SLC2A13: variants seen among roughly 807,000 people sequenced by gnomAD.
SLC2A13 encodes proton myo-inositol cotransporter.
A neutral mutation model predicts 64.4 loss-of-function variants in SLC2A13; 32 were observed. The ratio of observed to expected loss-of-function variants is 0.50; its 90% CI spans 0.37 to 0.67. SLC2A13 has a LOEUF of 0.67. Ranked by LOEUF, SLC2A13 falls within the 30% of genes least tolerant of loss-of-function variation. The probability of loss-of-function intolerance (pLI) is 0.00; values close to 1 mark genes in which losing one functional copy is unlikely to be tolerated. For missense variants in SLC2A13, 743 were observed against 829.2 expected (o/e 0.90, Z 1.28); for synonymous variants, 338 against 327.1 (o/e 1.03, Z -0.36).
chr12:39,838,087 A>T (rs1943068956), intron 6 of SLC2A13, among the ~76,000 whole-genome samples: 2 of 148,638 alleles, frequency 1.3e-5, no homozygotes, highest in South Asian at 2.2e-4. Context: ...ACTTGGAACC[A>T]ACCCAAATGT....
chr12:39,884,964 C>T (rs1380595619), intron 4 of SLC2A13, among the ~76,000 whole-genome samples: 1 of 152,204 alleles, frequency 6.6e-6, no homozygotes, highest in Non-Finnish European at 1.5e-5. Context: ...GGATGATAAA[C>T]ATCTATTCAG....
chr12:39,808,717 T>G (rs1942054083), intron 7 of SLC2A13, among the ~76,000 whole-genome samples: 1 of 152,184 alleles, frequency 6.6e-6, no homozygotes, highest in Admixed American at 6.6e-5. Flanking sequence ...ATTTGCCATC[T>G]TTTTATAGTC....
intron 3 of SLC2A13, among the ~76,000 whole-genome samples, chr12:40,003,522 C>A (rs1263035754): frequency 1.3e-5 from 2 of 152,042 alleles, no homozygotes; most frequent in Admixed American, 6.6e-5. Context: ...CTTGGATATG[C>A]TATATCGTGG....
chr12:40,077,800 ATTTG>A (rs202148073), intron 1 of SLC2A13, among the ~76,000 whole-genome samples: 4,283 of 152,130 alleles, frequency 0.028, 167 homozygotes, highest in Admixed American at 0.1. Flanking sequence ...ATGTTTTTCC[ATTTG>A]TTTGTGTTCT....
intron 1 of SLC2A13, among the ~76,000 whole-genome samples, chr12:40,088,368 C>A (rs755202438): frequency 6.6e-6 from 1 of 152,198 alleles, no homozygotes; most frequent in Non-Finnish European, 1.5e-5. Context: ...GAAGGAATTA[C>A]AAGTTAGAAG....
intron 7 of SLC2A13, among the ~76,000 whole-genome samples, chr12:39,768,377 C>A (rs765899383): frequency 6.6e-6 from 1 of 152,026 alleles, no homozygotes. Context: ...TTTTAATATC[C>A]TTTAAGAATT....
At chr12:40,009,598 T>A (rs1021599188) in intron 3 of SLC2A13, among the ~76,000 whole-genome samples, 2 of 152,116 alleles carry the variant, frequency 1.3e-5, no homozygotes, top group African/African-American at 4.8e-5. Flanking sequence ...CCCAGCCAAT[T>A]TTTTAAAAAA....
intron 1 of SLC2A13, among the ~76,000 whole-genome samples, chr12:40,101,711 C>T (rs78728390): frequency 3.0e-4 from 45 of 152,202 alleles, no homozygotes; most frequent in African/African-American, 1.1e-3. Flanking sequence ...CTCATCACCA[C>T]CCTCACTCAT....
chr12:39,896,090 GTA>G (rs1565527229), intron 4 of SLC2A13, among the ~76,000 whole-genome samples: 35 of 106,796 alleles, frequency 3.3e-4, no homozygotes, highest in African/African-American at 1.1e-3. Flanking sequence ...GTACATATAT[GTA>G]TACACGTGTA....
At chr12:39,933,484 C>T (rs1478519994) in intron 4 of SLC2A13, among the ~76,000 whole-genome samples, 1 of 152,152 alleles carries the variant, frequency 6.6e-6, no homozygotes, top group African/African-American at 2.4e-5. Flanking sequence ...TACTTTCTTG[C>T]TTCATGGTGC....
chr12:39,858,200 G>T (rs1243711688), intron 6 of SLC2A13, among the ~76,000 whole-genome samples: 2 of 152,208 alleles, frequency 1.3e-5, no homozygotes, highest in East Asian at 3.8e-4. Flanking sequence ...GTTAGCAAAA[G>T]ATATGTGCAG....
chr12:39,877,189 G>A (rs1944207452), intron 4 of SLC2A13, among the ~76,000 whole-genome samples: 1 of 152,118 alleles, frequency 6.6e-6, no homozygotes, highest in South Asian at 2.1e-4. Flanking sequence ...ACACATCTAA[G>A]ACTGGGTAAT....
At chr12:39,774,938 T>C (rs1463386517) in intron 7 of SLC2A13, among the ~76,000 whole-genome samples, 1 of 152,202 alleles carries the variant, frequency 6.6e-6, no homozygotes, top group Non-Finnish European at 1.5e-5. Context: ...GCAATAGTGG[T>C]ACAGTCTCTA....
chr12:40,104,126 C>T (rs935110188), intron 1 of SLC2A13, among the ~76,000 whole-genome samples: 1 of 152,072 alleles, frequency 6.6e-6, no homozygotes, highest in Non-Finnish European at 1.5e-5. Flanking sequence ...TCAGCAGCAG[C>T]CCCAGGTTTA....
chr12:39,784,836 C>A (rs1335879783), intron 7 of SLC2A13, among the ~76,000 whole-genome samples: 16 of 152,136 alleles, frequency 1.1e-4, no homozygotes, highest in Non-Finnish European at 1.8e-4. Context: ...TATGTTTTAG[C>A]AAGAGACTGG....
rs187290659 is a variant in SLC2A13, at chr12:39,784,955, C to T, written c.1446-20097G>A. ...AAGCAGCAAAGCATTCAAAAAGTGA[C>T]TTGGGTGCTGTTAAAAGCACTCTGT... On this transcript the variant is annotated intron_variant, in intron 7 of 9. Transcript: ENST00000280871. Among the ~76,000 whole-genome samples the T allele has an allele frequency of 1.8e-4, 28 of 152,296 alleles. No homozygotes were observed. In the East Asian group the frequency reaches 5.0e-3, roughly 27 times the overall value.
chr12:39,829,075 C>G, intron 7 of SLC2A13, among the ~76,000 whole-genome samples: 1 of 150,538 alleles, frequency 6.6e-6, no homozygotes. Context: ...TATGAGTAGA[C>G]AAGATAAGAG....
At chr12:39,846,269 T>C (rs1209632724) in intron 6 of SLC2A13, among the ~76,000 whole-genome samples, 2 of 152,116 alleles carry the variant, frequency 1.3e-5, no homozygotes, top group African/African-American at 4.8e-5. Flanking sequence ...CATAAGGAAT[T>C]ACTGTCCACT....
At chr12:39,969,045 G>T (rs111237646) in intron 3 of SLC2A13, among the ~76,000 whole-genome samples, 2,598 of 152,006 alleles carry the variant, frequency 0.017, 74 homozygotes, top group African/African-American at 0.059. Context: ...GAGAACACGT[G>T]GTGTTTGGTT....
Sources: gnomAD v4.1 joint callset for allele counts (sites outside exome capture counted in the v4.1 genomes callset) on GRCh38, gnomAD v4.1.1 for gene constraint, MANE v1.5 for transcripts, NCBI Gene and HGNC (gene_info 2026-07-23, HGNC 2026-07-21) for gene names.